The following GORAB variants were observed in gnomAD, a reference collection of about 807,000 sequenced individuals.
GORAB encodes the protein golgin, RAB6 interacting, also known as RAB6-interacting golgin.
A neutral mutation model predicts 29.9 loss-of-function variants in GORAB; 17 were observed. That is an observed-to-expected ratio of 0.57 (90% CI 0.39 to 0.85). The LOEUF is 0.85. GORAB is among the 40% of genes least tolerant of loss of function. The pLI is 0.00. For synonymous variants in GORAB, 183 were observed against 157.2 expected (o/e 1.16, Z -1.23); for missense variants, 442 against 437.8 (o/e 1.01, Z -0.09).
intron 1 of GORAB, among the ~76,000 whole-genome samples, chr1:170,535,808 G>T (rs1649025711): frequency 6.6e-6 from 1 of 151,794 alleles, no homozygotes; most frequent in Admixed American, 6.6e-5. Context: ...TTCTTCCTCA[G>T]CCTCCCAAAG....
chr1:170,533,844 T>C (rs1423534480), intron 1 of GORAB, among the ~76,000 whole-genome samples: 1 of 152,202 alleles, frequency 6.6e-6, no homozygotes, highest in East Asian at 1.9e-4. Context: ...AACCTCCTTG[T>C]ATACCCGTAG....
chr1:170,534,691 G>T (rs146573615), intron 1 of GORAB, among the ~76,000 whole-genome samples: 31 of 152,266 alleles, frequency 2.0e-4, no homozygotes, highest in Non-Finnish European at 1.3e-4. Context: ...TACTGTACAG[G>T]TTTGGAGCTT....
In GORAB at chr1:170,542,587, A is replaced by G. The variant is rs1558006691; in HGVS notation, c.516A>G (p.Ala172=). The G allele has an allele frequency of 6.2e-7, 1 of 1,606,492 alleles. No individual in the cohort carries two copies. ...RKKALLAKAI[A]ERSKRTQAET... ...AAGCTCTTTTGGCTAAAGCTATTGC[A>G]GAAAGGTGAGGCACCTGAACCAGGA... is the stretch of plus-strand genomic sequence containing the variant. Residue 172 remains alanine, a synonymous_variant, in exon 3 of 5, where the codon GCA becomes GCG. Transcript: ENST00000367763.
At chr1:170,538,394 A>T (rs1029853039) in intron 1 of GORAB, among the ~76,000 whole-genome samples, 1 of 152,234 alleles carries the variant, frequency 6.6e-6, no homozygotes, top group Non-Finnish European at 1.5e-5. Flanking sequence ...AATGCTATTT[A>T]TAGATCTTAT....
chr1:170,541,416 A>G (rs1465649778), intron 2 of GORAB, among the ~76,000 whole-genome samples: 3 of 152,030 alleles, frequency 2.0e-5, no homozygotes, highest in Admixed American at 6.6e-5. Context: ...CCAGGTGTCA[A>G]TATTGTAGAT....
intron 4 of GORAB, among the ~76,000 whole-genome samples, chr1:170,551,113 T>A (rs1304593192): frequency 6.6e-6 from 1 of 152,158 alleles, no homozygotes; most frequent in Non-Finnish European, 1.5e-5. Flanking sequence ...GAGAACAACT[T>A]AACCCAAGGA....
At chr1:170,537,199 GT>G (rs1348120482) in intron 1 of GORAB, among the ~76,000 whole-genome samples, 1 of 150,994 alleles carries the variant, frequency 6.6e-6, no homozygotes, top group Non-Finnish European at 1.5e-5. Context: ...GTTAATAATG[GT>G]GATAATCATT....
At chr1:170,549,895 A>G (rs1251484146) in intron 4 of GORAB, among the ~76,000 whole-genome samples, 1 of 152,214 alleles carries the variant, frequency 6.6e-6, no homozygotes, top group East Asian at 1.9e-4. Context: ...ATATATTAAC[A>G]GTACTTTTTG....
intron 3 of GORAB, among the ~76,000 whole-genome samples, chr1:170,543,235 T>G (rs963859511): frequency 2.0e-5 from 3 of 152,186 alleles, no homozygotes; most frequent in Non-Finnish European, 4.4e-5. Flanking sequence ...GAATCATTCT[T>G]CCCATCCCCC....
rs1650249311 is a variant in GORAB at position 170,553,357 on chromosome 1, ATTAG to A, written c.*898_*901del. 2.2e-6 allele frequency: 1 copy of A among 452,472 alleles called. No homozygotes were observed. Among genetic ancestry groups the A allele is most frequent in the Non-Finnish European group, 4.4e-6 (1 of 226,362 alleles). 28.0% of individuals were successfully genotyped at this position (452,472 alleles called of 1,614,324 possible). A position where few individuals can be genotyped will look rare whatever the true frequency, so the allele number is the denominator to read the frequency against. On this transcript the variant is annotated 3_prime_UTR_variant, in exon 5 of 5. Coordinates refer to ENST00000367763, the MANE Select transcript of GORAB (RefSeq NM_152281.3). ...AAATTGTTAAAATGCTGATTTTCTT[ATTAG>A]TTTGTTAATTGCCTGTTACTAGTAC...
chr1:170,533,589 G>A (rs1366115714), intron 1 of GORAB: 5 of 454,718 alleles, frequency 1.1e-5, no homozygotes, highest in Non-Finnish European at 2.2e-5. Context: ...CTCTGCCGGG[G>A]ATTGGATGGA....
chr1:170,542,427 T>C, intron 2 of GORAB, 64 bp from the exon 3 acceptor site: 3 of 923,364 alleles, frequency 3.2e-6, no homozygotes, highest in Non-Finnish European at 5.4e-6. Context: ...TGGTAAGGTG[T>C]TGGATAGGGT....
chr1:170,550,421 G>A (rs982551647), intron 4 of GORAB, among the ~76,000 whole-genome samples: 26 of 152,142 alleles, frequency 1.7e-4, no homozygotes, highest in African/African-American at 5.6e-4. Flanking sequence ...AAAATGTGTC[G>A]CTTCTAAGCA....
At position 170,539,364 on chromosome 1, in the gene GORAB, A is replaced by T; in HGVS notation, c.216A>T (p.Arg72Ser). The change falls in exon 2 of 5, where the codon AGA becomes AGT. Residue 72 changes from arginine (R) to serine (S), a missense_variant. Arg to Ser is a moderately radical substitution (Grantham distance 110). Transcript: ENST00000367763. ...PEQLLSAPKQ[R>S]VNVQKPPFSS... Reference sequence around the variant, plus strand: ...AGCTGCTTTCAGCACCAAAACAGAGAGTTAACGTTCAAAAACCACCTTTTT... The same window carrying T: ...AGCTGCTTTCAGCACCAAAACAGAGTGTTAACGTTCAAAAACCACCTTTTT... 1 of 1,614,150 alleles carries T rather than the reference A, an allele frequency of 6.2e-7. No individual in the cohort carries two copies. The highest frequency in any genetic ancestry group is 8.5e-7 in the Non-Finnish European group (1 of 1,180,024).
At chr1:170,548,765 A>C (rs528184522) in intron 4 of GORAB, among the ~76,000 whole-genome samples, 47 of 152,334 alleles carry the variant, frequency 3.1e-4, no homozygotes, top group Non-Finnish European at 5.9e-4. Context: ...TGATGAAATA[A>C]TTCCTAGGAT....
At chr1:170,543,817 A>G (rs1180405541) in intron 3 of GORAB, among the ~76,000 whole-genome samples, 4 of 152,206 alleles carry the variant, frequency 2.6e-5, no homozygotes, top group East Asian at 1.9e-4. Context: ...AAGGAAATAC[A>G]ACGTTTGAAC....
chr1:170,551,645 G>T (rs1364425555), intron 4 of GORAB, among the ~76,000 whole-genome samples: 1 of 152,130 alleles, frequency 6.6e-6, no homozygotes, highest in Admixed American at 6.5e-5. Flanking sequence ...ATTGGACAGG[G>T]TGGTAGTAAT....
At chr1:170,541,491 A>G (rs1432489413) in intron 2 of GORAB, among the ~76,000 whole-genome samples, 2 of 152,088 alleles carry the variant, frequency 1.3e-5, no homozygotes, top group African/African-American at 4.8e-5. Flanking sequence ...TGCCTGCAGT[A>G]GTAAAAGTGA....
At position 170,545,842 on chromosome 1, in the gene GORAB, A is replaced by G. The variant is rs375127694; in HGVS notation, c.662+997A>G. On this transcript the variant is annotated intron_variant, in intron 4 of 4. Transcript: ENST00000367763. ...TGTAATTGTTGTTGGACCATATGCT[A>G]TTAGACTTAGAGTTGTCTTTATTAA... 13 of 618,298 alleles carry G rather than the reference A, an allele frequency of 2.1e-5. No homozygotes were observed. The African/African-American group carries it at 2.2e-4, about 10-fold the overall frequency. The allele number at this position is 618,298 out of a possible 1,614,324, so 38.3% of individuals were successfully genotyped here.
Sources: gnomAD v4.1 joint callset for allele counts (sites outside exome capture counted in the v4.1 genomes callset) on GRCh38, gnomAD v4.1.1 for gene constraint, MANE v1.5 for transcripts, NCBI Gene and HGNC (gene_info 2026-07-23, HGNC 2026-07-21) for gene names.